The following CSMD3 variants were observed in gnomAD, a reference collection of about 807,000 sequenced individuals.
The protein encoded by CSMD3 is CUB and Sushi multiple domains 3, also known as CUB and sushi domain-containing protein 3.
In CSMD3, 177 loss-of-function variants were observed where a neutral mutation model predicts 435.2. The observed-to-expected ratio is 0.41, with a 90% CI of 0.36 to 0.46. The LOEUF (loss-of-function observed/expected upper bound fraction) is 0.46. CSMD3 is among the 20% of genes least tolerant of loss of function. The probability of loss-of-function intolerance (pLI) is 0.34; values close to 1 mark genes in which losing one functional copy is unlikely to be tolerated. For synonymous variants in CSMD3, 1,656 were observed against 1,520.5 expected, an observed-to-expected ratio of 1.09 and a Z score of -2.07; for missense variants, 4,265 against 4,504.6, an observed-to-expected ratio of 0.95 and a Z score of 1.52.
chr8:112,936,917 T>C (rs529196211), intron 9 of CSMD3, among the ~76,000 whole-genome samples: 94 of 152,154 alleles, frequency 6.2e-4, no homozygotes, highest in Non-Finnish European at 1.3e-4. Context: ...TTAAACTACC[T>C]GTAGCCTCAA....
intron 6 of CSMD3, among the ~76,000 whole-genome samples, chr8:112,979,963 T>A (rs756405764): frequency 4.0e-5 from 6 of 151,112 alleles, no homozygotes; most frequent in Non-Finnish European, 8.9e-5. Flanking sequence ...CACTAAGTCA[T>A]AACTATATGT....
At chr8:112,616,731 G>A (rs1379208129) in intron 22 of CSMD3, among the ~76,000 whole-genome samples, 1 of 152,098 alleles carries the variant, frequency 6.6e-6, no homozygotes, top group Non-Finnish European at 1.5e-5. Context: ...AGGCCAGATG[G>A]CAGATGGCAT....
At chr8:113,318,813 T>A (rs1051596932) in intron 1 of CSMD3, among the ~76,000 whole-genome samples, 3 of 151,722 alleles carry the variant, frequency 2.0e-5, no homozygotes, top group Admixed American at 6.6e-5. Flanking sequence ...TGTGTGTGTG[T>A]GTGTGTGTGT....
chr8:113,243,434 G>A (rs898224365), intron 3 of CSMD3, among the ~76,000 whole-genome samples: 3 of 151,998 alleles, frequency 2.0e-5, no homozygotes, highest in Admixed American at 6.6e-5. Context: ...GCAAGTATCA[G>A]TGTGGTGTTC....
intron 1 of CSMD3, among the ~76,000 whole-genome samples, chr8:113,331,854 T>C (rs548191549): frequency 3.2e-4 from 48 of 151,880 alleles, no homozygotes; most frequent in African/African-American, 1.1e-3. Context: ...GGGCTTTTCC[T>C]CTAAGCTCAG....
chr8:112,684,966 C>A (rs1038422366), intron 15 of CSMD3, among the ~76,000 whole-genome samples: 1 of 151,978 alleles, frequency 6.6e-6, no homozygotes, highest in Non-Finnish European at 1.5e-5. Flanking sequence ...GTGATTTTTT[C>A]TTTGGAATTT....
intron 3 of CSMD3, among the ~76,000 whole-genome samples, chr8:113,221,283 T>C (rs929622756): frequency 2.0e-5 from 3 of 150,938 alleles, no homozygotes; most frequent in South Asian, 2.1e-4. Context: ...TCTTGAAGAA[T>C]AGGAGTAAAG....
chr8:113,119,911 T>C (rs1395499652), intron 4 of CSMD3, among the ~76,000 whole-genome samples: 1 of 151,954 alleles, frequency 6.6e-6, no homozygotes, highest in Non-Finnish European at 1.5e-5. Flanking sequence ...TTTGTATTAT[T>C]GTCCTGGATT....
chr8:112,955,954 T>TA (rs1428552261), intron 7 of CSMD3, among the ~76,000 whole-genome samples: 2 of 151,978 alleles, frequency 1.3e-5, no homozygotes, highest in African/African-American at 2.4e-5. Context: ...TGAAACATTT[T>TA]AAGGTAATTT....
chr8:112,276,842 C>T (rs1353033983), intron 59 of CSMD3, among the ~76,000 whole-genome samples: 2 of 152,100 alleles, frequency 1.3e-5, no homozygotes, highest in Non-Finnish European at 2.9e-5. Context: ...GCTGCCAAGG[C>T]TTGGGGCTTG....
intron 27 of CSMD3, among the ~76,000 whole-genome samples, chr8:112,530,895 T>C (rs979049493): frequency 1.3e-5 from 2 of 152,130 alleles, no homozygotes; most frequent in Non-Finnish European, 2.9e-5. Flanking sequence ...CTGACTGAAA[T>C]GGTCTTGGGC....
At chr8:112,793,617 T>A (rs557084832) in intron 13 of CSMD3, among the ~76,000 whole-genome samples, 41 of 152,262 alleles carry the variant, frequency 2.7e-4, no homozygotes, top group African/African-American at 9.6e-4. Flanking sequence ...TGCAGAGACT[T>A]CAGCACTCCT....
At chr8:112,658,775 T>C (rs1471835101) in intron 17 of CSMD3, among the ~76,000 whole-genome samples, 1 of 151,996 alleles carries the variant, frequency 6.6e-6, no homozygotes, top group Non-Finnish European at 1.5e-5. Flanking sequence ...CTGGCCAACA[T>C]GGCAAAACCC....
intron 28 of CSMD3, among the ~76,000 whole-genome samples, chr8:112,512,597 A>G (rs1823250713): frequency 6.6e-6 from 1 of 152,186 alleles, no homozygotes; most frequent in African/African-American, 2.4e-5. Flanking sequence ...TGTTCCATTT[A>G]TAGATCACAG....
At chr8:112,485,676 A>G (rs926301400) in intron 31 of CSMD3, among the ~76,000 whole-genome samples, 4 of 152,304 alleles carry the variant, frequency 2.6e-5, no homozygotes, top group East Asian at 1.9e-4. Context: ...AGGCATATGA[A>G]TAATTGGTAA....
At chr8:112,645,255 T>A in intron 19 of CSMD3, 30 bp from the exon 20 acceptor site, 1 of 1,169,416 alleles carries the variant, frequency 8.6e-7, no homozygotes. Flanking sequence ...ATCCATGTGA[T>A]CAGCAGTGAG....
intron 9 of CSMD3, among the ~76,000 whole-genome samples, chr8:112,946,481 C>G (rs1468004618): frequency 6.6e-6 from 1 of 151,622 alleles, no homozygotes; most frequent in African/African-American, 2.4e-5. Context: ...CCAGTTCCAT[C>G]AAATTATTAG....
chr8:113,236,357 A>C (rs2093149063), intron 3 of CSMD3, among the ~76,000 whole-genome samples: 1 of 152,104 alleles, frequency 6.6e-6, no homozygotes, highest in Non-Finnish European at 1.5e-5. Context: ...TTTGCAGTAA[A>C]CTTCTTTGCT....
chr8:112,463,961 G>C (rs142053851), intron 32 of CSMD3, among the ~76,000 whole-genome samples: 2 of 152,282 alleles, frequency 1.3e-5, no homozygotes, highest in African/African-American at 4.8e-5. Context: ...TGCTGGCTGG[G>C]CGAGGTGGCT....
Sources: gnomAD v4.1 joint callset for allele counts (sites outside exome capture counted in the v4.1 genomes callset) on GRCh38, gnomAD v4.1.1 for gene constraint, MANE v1.5 for transcripts, NCBI Gene and HGNC (gene_info 2026-07-23, HGNC 2026-07-21) for gene names.